LHCGR: variants seen among roughly 807,000 people sequenced by gnomAD.
LHCGR encodes the protein lutropin-choriogonadotropic hormone receptor.
A neutral mutation model predicts 60.7 loss-of-function variants in LHCGR; 55 were observed. The ratio of observed to expected loss-of-function variants is 0.91; its 90% CI spans 0.73 to 1.13. The LOEUF is 1.13. Among genes scored for constraint, LHCGR ranks in the 50% most tolerant of loss-of-function variants. LHCGR has a pLI of 0.00. For missense variants in LHCGR, 862 were observed against 836.0 expected (o/e 1.03, Z -0.38); for synonymous variants, 337 against 316.5 (o/e 1.06, Z -0.69).
intron 7 of LHCGR, among the ~76,000 whole-genome samples, chr2:48,710,451 C>T (rs1480632535): frequency 6.6e-6 from 1 of 152,186 alleles, no homozygotes; most frequent in African/African-American, 2.4e-5. Context: ...CAGAGCATTT[C>T]ACACGTTTTA....
At chr2:48,700,469 A>G (rs138085947) in intron 8 of LHCGR, among the ~76,000 whole-genome samples, 1 of 152,266 alleles carries the variant, frequency 6.6e-6, no homozygotes, top group Non-Finnish European at 1.5e-5. Context: ...ATGAGAGTGT[A>G]GGGGTCTGTA....
intron 8 of LHCGR, among the ~76,000 whole-genome samples, chr2:48,706,230 C>T (rs1324490054): frequency 1.3e-5 from 2 of 152,242 alleles, no homozygotes; most frequent in Non-Finnish European, 2.9e-5. Context: ...CCCCCACTCT[C>T]TTCTGGCTTG....
intron 1 of LHCGR, among the ~76,000 whole-genome samples, chr2:48,747,922 G>A (rs1205534481): frequency 6.6e-6 from 1 of 152,118 alleles, no homozygotes; most frequent in Non-Finnish European, 1.5e-5. Flanking sequence ...TCAGTGAGAG[G>A]ACCGAAGGCT....
intron 4 of LHCGR, among the ~76,000 whole-genome samples, chr2:48,725,398 C>A (rs1442299980): frequency 6.6e-6 from 1 of 152,182 alleles, no homozygotes; most frequent in Non-Finnish European, 1.5e-5. Flanking sequence ...ATCTCCCATA[C>A]CCATTGTCAA....
chr2:48,695,184 T>C lies in LHCGR; in HGVS notation c.867-880A>G, dbSNP rs928612877. 3.9e-5 allele frequency among the ~76,000 whole-genome samples: 6 copies of C among 152,324 alleles called. No individual in the cohort carries two copies. In the South Asian group the frequency reaches 1.2e-3, roughly 32 times the overall value. On this transcript the variant is annotated intron_variant, in intron 9 of 10. Transcript: ENST00000294954. Reference sequence around the variant, plus strand: ...ATGCATTTAATTTCATTATAGATTCTGGATATTAGACCTTTGTCAAATGCA... The same window carrying C: ...ATGCATTTAATTTCATTATAGATTCCGGATATTAGACCTTTGTCAAATGCA...
chr2:48,730,107 A>T (rs954018741), intron 2 of LHCGR, among the ~76,000 whole-genome samples: 19 of 152,218 alleles, frequency 1.2e-4, no homozygotes, highest in Admixed American at 9.2e-4. Context: ...CTTATTTCTA[A>T]GGTTAAGGCT....
intron 1 of LHCGR, among the ~76,000 whole-genome samples, chr2:48,753,432 G>A (rs1670068540): frequency 6.6e-6 from 1 of 152,086 alleles, no homozygotes; most frequent in East Asian, 1.9e-4. Context: ...CAACCATCTG[G>A]TGCTCAGGAA....
At chr2:48,719,553 G>A (rs1668413398) in intron 6 of LHCGR, among the ~76,000 whole-genome samples, 1 of 152,206 alleles carries the variant, frequency 6.6e-6, no homozygotes. Context: ...AGGTGGCACA[G>A]CTAAATTCTG....
chr2:48,704,218 G>A lies in LHCGR; in HGVS notation c.680+4730C>T, dbSNP rs559727917. Reference sequence around the variant, plus strand: ...ATTGATTTGCATATGTTGAACCAGCGTTGCATCCCAGGGATGAAGCCGACT... The same window carrying A: ...ATTGATTTGCATATGTTGAACCAGCATTGCATCCCAGGGATGAAGCCGACT... On this transcript the variant is annotated intron_variant, in intron 8 of 10. Coordinates refer to ENST00000294954, the MANE Select transcript of LHCGR (RefSeq NM_000233.4). Among the ~76,000 whole-genome samples the A allele has an allele frequency of 1.6e-4, 25 of 152,188 alleles. 1 individual carries two copies. The East Asian group carries it at 3.9e-3, about 24-fold the overall frequency.
intron 1 of LHCGR, among the ~76,000 whole-genome samples, chr2:48,737,341 G>C (rs1172806363): frequency 2.6e-5 from 4 of 152,192 alleles, no homozygotes; most frequent in African/African-American, 9.7e-5. Flanking sequence ...AAATCAGAGA[G>C]TTAAAGCTTT....
In LHCGR at chr2:48,723,615, T is replaced by G. The variant is rs186129492; in HGVS notation, c.458+7A>C. 2 of 1,611,466 alleles carry G rather than the reference T, an allele frequency of 1.2e-6. No individual in the cohort carries two copies. Among genetic ancestry groups the G allele is most frequent in the African/African-American group, 1.3e-5 (1 of 74,988 alleles). ...CTGTTATGCATAGCAATCAGCCTGG[T>G]ACTTACAGAATGAAATTTGATTCAG... On this transcript the variant is annotated splice_region_variant and intron_variant, in intron 5 of 10. Coordinates refer to ENST00000294954, the MANE Select transcript of LHCGR (RefSeq NM_000233.4).
At chr2:48,714,183 A>G in intron 6 of LHCGR, 129 bp from the exon 7 acceptor site, 2 of 707,182 alleles carry the variant, frequency 2.8e-6, no homozygotes, top group Non-Finnish European at 5.2e-6. Context: ...GTTCTCCATC[A>G]TCACCACCAC....
At chr2:48,726,372 T>C (rs867958837) in intron 3 of LHCGR, among the ~76,000 whole-genome samples, 2 of 152,316 alleles carry the variant, frequency 1.3e-5, no homozygotes, top group Non-Finnish European at 1.5e-5. Flanking sequence ...TAATATTACA[T>C]AGTCTTCCTG....
intron 1 of LHCGR, among the ~76,000 whole-genome samples, chr2:48,752,542 T>C (rs1670002854): frequency 6.6e-6 from 1 of 152,090 alleles, no homozygotes; most frequent in Admixed American, 6.6e-5. Flanking sequence ...TTTTTTTTTT[T>C]TTATGAACTG....
chr2:48,690,712 T>C (rs1199535998), intron 10 of LHCGR, among the ~76,000 whole-genome samples: 3 of 152,236 alleles, frequency 2.0e-5, no homozygotes, highest in Admixed American at 1.3e-4. Flanking sequence ...TATGAAGGCT[T>C]TCTTGATTAT....
chr2:48,715,695 A>G (rs1036437158), intron 6 of LHCGR, among the ~76,000 whole-genome samples: 6 of 152,192 alleles, frequency 3.9e-5, no homozygotes, highest in Non-Finnish European at 7.3e-5. Context: ...CTCTGTGTGT[A>G]TGTATGTGTG....
Position 48,755,644 on chromosome 2 carries a change from G to A in LHCGR, c.28C>T (p.Leu10=). 6.5e-7 allele frequency: 1 copy of A among 1,535,236 alleles called. No individual in the cohort carries two copies. Among genetic ancestry groups the A allele is most frequent in the Non-Finnish European group, 8.7e-7 (1 of 1,145,988 alleles). Residue 10 remains leucine, a synonymous_variant, in exon 1 of 11, where the codon CTG becomes TTG. Coordinates refer to ENST00000294954, the MANE Select transcript of LHCGR (RefSeq NM_000233.4). Reference sequence around the variant, plus strand: ...TGCAGCAGCAGCAGCAGCTTCAGCAGCTGCAGCGCCGAGAACCGCTGCTTC... The same window carrying A: ...TGCAGCAGCAGCAGCAGCTTCAGCAACTGCAGCGCCGAGAACCGCTGCTTC... MKQRFSALQ[L]LKLLLLLQPP...
At chr2:48,710,390 G>C (rs1667921135) in intron 7 of LHCGR, among the ~76,000 whole-genome samples, 1 of 152,166 alleles carries the variant, frequency 6.6e-6, no homozygotes, top group Admixed American at 6.5e-5. Flanking sequence ...GGCTCTGTGA[G>C]CAAATTATTC....
In LHCGR at chr2:48,688,576, G is replaced by A; in HGVS notation, c.1221C>T (p.Cys407=). 6.2e-7 allele frequency: 1 copy of A among 1,614,196 alleles called. No individual in the cohort carries two copies. The highest frequency in any genetic ancestry group is 8.5e-7 in the Non-Finnish European group (1 of 1,180,046). ...LMCNLSFADF[C]MGLYLLLIAS... The stretch of plus-strand genomic sequence containing the variant: ...CTATGAGCAGCAGATAGAGCCCCAT[G>A]CAAAAGTCTGCAAAGGAGAGATTGC... Residue 407 remains cysteine (C), a synonymous_variant, in exon 11 of 11, where the codon TGC becomes TGT. Coordinates refer to ENST00000294954, the MANE Select transcript of LHCGR (RefSeq NM_000233.4). This position sits in a 1 kb window ranked among gnomAD's most constrained non-coding sequence, Gnocchi z 5.2.
Sources: gnomAD v4.1 joint callset for allele counts (sites outside exome capture counted in the v4.1 genomes callset) on GRCh38, gnomAD v4.1.1 for gene constraint, Gnocchi (gnomAD v3.1) non-coding constraint, MANE v1.5 for transcripts, NCBI Gene and HGNC (gene_info 2026-07-23, HGNC 2026-07-21) for gene names.